The following LYL1 variants were observed in gnomAD, a reference collection of about 807,000 sequenced individuals.
LYL1 encodes the protein LYL1 basic helix-loop-helix family member.
Under a neutral mutation model 11.1 loss-of-function variants are expected in LYL1, and 4 were observed. That is an observed-to-expected ratio of 0.36 (90% CI 0.18 to 0.82). The LOEUF (loss-of-function observed/expected upper bound fraction) is 0.82, where lower values mean the gene tolerates loss of function less well. LYL1 is among the 40% of genes least tolerant of loss of function. LYL1 has a pLI of 0.49. For synonymous variants in LYL1, 179 were observed against 174.8 expected, an observed-to-expected ratio of 1.02 and a Z score of -0.19; for missense variants, 356 against 397.6, an observed-to-expected ratio of 0.90 and a Z score of 0.89.
rs552041622 is a variant in LYL1, at chr19:13,100,964, G to C, written c.208C>G (p.Pro70Ala). 2.3e-5 allele frequency: 35 copies of C among 1,502,410 alleles called. No homozygotes were observed. In the East Asian group the frequency reaches 7.3e-4, roughly 31 times the overall value. 93.1% of individuals were successfully genotyped at this position (1,502,410 alleles called of 1,614,324 possible). The change falls in exon 2 of 4, where the codon CCC (proline) becomes GCC (alanine). Residue 70 changes from proline (P) to alanine (A), a missense_variant. Pro to Ala is a conservative substitution (Grantham distance 27). Transcript: ENST00000264824. Reference protein sequence around the residue: ...VPVISLGHSRPPGVAMPTTEL... With the variant: ...VPVISLGHSRAPGVAMPTTEL... Reference sequence around the variant, plus strand: ...GTGGTGGGCATGGCTACCCCTGGGGGCCTGCTGTGGCCCAGGCTGATCACT... The same window carrying C: ...GTGGTGGGCATGGCTACCCCTGGGGCCCTGCTGTGGCCCAGGCTGATCACT...
At position 13,102,781 on chromosome 19, in the gene LYL1, G is replaced by GC. The variant is rs1481840268; in HGVS notation, c.-276dup. On this transcript the variant is annotated 5_prime_UTR_variant, in exon 1 of 4. Transcript: ENST00000264824. This position sits in a 1 kb window ranked among gnomAD's most constrained non-coding sequence, Gnocchi z 4.9. Reference sequence around the variant, plus strand: ...TCCCGGGCCGGCCCGCCTTCTCCCCGCCCCCGGCGGCCCGGTTTCCTCCCT... The same window carrying GC: ...TCCCGGGCCGGCCCGCCTTCTCCCCGCCCCCCGGCGGCCCGGTTTCCTCCCT... 1 of 152,642 alleles carries GC rather than the reference G, an allele frequency of 6.6e-6. No homozygotes were observed. Among genetic ancestry groups the GC allele is most frequent in the African/African-American group, 2.4e-5 (1 of 41,418 alleles). The allele number at this position is 152,642 out of a possible 1,614,324, so 9.5% of individuals were successfully genotyped here. A position where few individuals can be genotyped will look rare whatever the true frequency, so the allele number is the denominator to read the frequency against.
Position 13,101,061 on chromosome 19 carries a change from A to C in LYL1, c.111T>G (p.Pro37=). The change falls in exon 2 of 4, where the codon CCT becomes CCG. Residue 37 remains proline, a synonymous_variant. Coordinates refer to ENST00000264824, the MANE Select transcript of LYL1 (RefSeq NM_005583.5). This position sits in a 1 kb window ranked among gnomAD's most constrained non-coding sequence, Gnocchi z 5.1. ...CCACCTCCTCCACCTGCGGGGGCCCAGGCGAGGCAGGCTTAGGGGGTGGGG... is the reference window on the plus strand; with the variant it reads ...CCACCTCCTCCACCTGCGGGGGCCCCGGCGAGGCAGGCTTAGGGGGTGGGG... The part of the protein sequence containing the change: ...APAPPPKPAS[P]GPPQVEEVGH... The C allele has an allele frequency of 6.7e-7, 1 of 1,489,158 alleles. No homozygotes were observed. 92.2% of individuals were successfully genotyped at this position (1,489,158 alleles called of 1,614,324 possible).
intron 3 of LYL1, among the ~76,000 whole-genome samples, chr19:13,100,139 T>C (rs1196875987): frequency 6.6e-6 from 1 of 152,228 alleles, no homozygotes; most frequent in Non-Finnish European, 1.5e-5. Context: ...GTGTCTTGTA[T>C]GACTGTGTGA....
At position 13,099,110 on chromosome 19, in the gene LYL1, T is replaced by G; in HGVS notation, c.*209A>C. 9.8e-6 allele frequency: 4 copies of G among 409,210 alleles called. No homozygotes were observed. Among genetic ancestry groups the G allele is most frequent in the Non-Finnish European group, 1.2e-5 (3 of 241,462 alleles). 25.3% of individuals were successfully genotyped at this position (409,210 alleles called of 1,614,324 possible). A position where few individuals can be genotyped will look rare whatever the true frequency, so the allele number is the denominator to read the frequency against. On this transcript the variant is annotated 3_prime_UTR_variant, in exon 4 of 4. Transcript: ENST00000264824. This position sits in a 1 kb window ranked among gnomAD's most constrained non-coding sequence, Gnocchi z 5.3. The stretch of plus-strand genomic sequence containing the variant: ...ACCGGGCAAGGCCACTTCCAGAGGG[T>G]TGTGGGTGATTTTTTTAAGGGTCTG...
chr19:13,099,420 G>T lies in LYL1; in HGVS notation c.742C>A (p.Arg248Ser). The T allele has an allele frequency of 3.2e-6, 4 of 1,243,318 alleles. No homozygotes were observed. The highest frequency in any genetic ancestry group is 4.0e-6 in the Non-Finnish European group (4 of 989,294). The allele number at this position is 1,243,318 out of a possible 1,614,324, so 77.0% of individuals were successfully genotyped here. A position where few individuals can be genotyped will look rare whatever the true frequency, so the allele number is the denominator to read the frequency against. ...GSGRRAEAAA[R>S]SQPAPPADPD... ...TCGGCCGGGGGCGCGGGCTGCGAGC[G>T]CGCTGCCGCCTCGGCCCTGCGTCCG... is the stretch of plus-strand genomic sequence containing the variant. The change falls in exon 4 of 4, where the codon CGC (arginine) becomes AGC (serine). Residue 248 changes from arginine (R) to serine (S), a missense_variant. Transcript: ENST00000264824. The surrounding 1 kb of genome is among the most constrained non-coding windows in gnomAD (Gnocchi z 5.3).
chr19:13,101,323 T>A lies in LYL1; in HGVS notation c.-24-128A>T. The A allele has an allele frequency of 2.5e-6, 1 of 398,696 alleles. No homozygotes were observed. Among genetic ancestry groups the A allele is most frequent in the Non-Finnish European group, 4.4e-6 (1 of 227,872 alleles). The allele number at this position is 398,696 out of a possible 1,614,324, so 24.7% of individuals were successfully genotyped here. ...GAAAGGAGGAGGAGAGAAGTTTCAG[T>A]AGGCAAAGGCAGATGGCGGGGGCAG... is the stretch of plus-strand genomic sequence containing the variant. On this transcript the variant is annotated intron_variant, in intron 1 of 3. Transcript: ENST00000264824. The surrounding 1 kb of genome is among the most constrained non-coding windows in gnomAD (Gnocchi z 5.1).
Position 13,099,879 on chromosome 19 carries a change from C to A in LYL1, c.428-145G>T. 1 of 628,046 alleles carries A rather than the reference C, an allele frequency of 1.6e-6. No individual in the cohort carries two copies. Among genetic ancestry groups the A allele is most frequent in the Non-Finnish European group, 2.5e-6 (1 of 396,724 alleles). The allele number at this position is 628,046 out of a possible 1,614,324, so 38.9% of individuals were successfully genotyped here. A position where few individuals can be genotyped will look rare whatever the true frequency, so the allele number is the denominator to read the frequency against. On this transcript the variant is annotated intron_variant, in intron 3 of 3. Transcript: ENST00000264824. This position sits in a 1 kb window ranked among gnomAD's most constrained non-coding sequence, Gnocchi z 5.3. ...CCACCCAAGGGGTCCACGGGCAGCT[C>A]TCCCCACCCCTCCCAAGAGCCATCC...
In LYL1 at chr19:13,099,119, A is replaced by G; in HGVS notation, c.*200T>C. The G allele has an allele frequency of 2.3e-6, 1 of 442,230 alleles. No individual in the cohort carries two copies. The highest frequency in any genetic ancestry group is 3.7e-6 in the Non-Finnish European group (1 of 270,164). The allele number at this position is 442,230 out of a possible 1,614,324, so 27.4% of individuals were successfully genotyped here. ...GGCCACTTCCAGAGGGTTGTGGGTG[A>G]TTTTTTTAAGGGTCTGCGGGTCCCT... On this transcript the variant is annotated 3_prime_UTR_variant, in exon 4 of 4. Coordinates refer to ENST00000264824, the MANE Select transcript of LYL1 (RefSeq NM_005583.5). The surrounding 1 kb of genome is among the most constrained non-coding windows in gnomAD (Gnocchi z 5.3).
chr19:13,100,726 G>A lies in LYL1; in HGVS notation c.358C>T (p.Pro120Ser), dbSNP rs1462984804. 15 of 1,614,212 alleles carry A rather than the reference G, an allele frequency of 9.3e-6. No individual in the cohort carries two copies. In the South Asian group the frequency reaches 1.3e-4, roughly 14 times the overall value. Reference sequence around the variant, plus strand: ...CGGCTGCTAGGGAAGATGCTAAAAGGTCCTGCTGGCCCAATGTAGACACTG... The same window carrying A: ...CGGCTGCTAGGGAAGATGCTAAAAGATCCTGCTGGCCCAATGTAGACACTG... ...LNSVYIGPAG[P>S]FSIFPSSRLK... is the part of the protein sequence containing the mutation. The change falls in exon 3 of 4, where the codon CCT becomes TCT. Residue 120 changes from proline (P) to serine (S), a missense_variant. Transcript: ENST00000264824.
chr19:13,100,582 C>T (rs542777258), intron 3 of LYL1, 75 bp downstream of exon 3: 31 of 1,352,428 alleles, frequency 2.3e-5, no homozygotes, highest in African/African-American at 7.2e-5. Flanking sequence ...CACACAGAGA[C>T]GGCCAGGCCT....
chr19:13,100,598 G>T, intron 3 of LYL1, 59 bp downstream of exon 3: 1 of 1,495,556 alleles, frequency 6.7e-7, no homozygotes, highest in Non-Finnish European at 9.3e-7. Context: ...GGCCTTCTGT[G>T]CACCCACAAG....
At position 13,101,399 on chromosome 19, in the gene LYL1, G is replaced by T; in HGVS notation, c.-24-204C>A. On this transcript the variant is annotated intron_variant, in intron 1 of 3. Coordinates refer to ENST00000264824, the MANE Select transcript of LYL1 (RefSeq NM_005583.5). The surrounding 1 kb of genome is among the most constrained non-coding windows in gnomAD (Gnocchi z 5.1). The stretch of plus-strand genomic sequence containing the variant: ...GGGGGGTCCTACGTTAGAGTAGGAG[G>T]CGCCCCCCAGGTGCTAGGCAGCGCA... 1 of 426,732 alleles carries T rather than the reference G, an allele frequency of 2.3e-6. No homozygotes were observed. Among genetic ancestry groups the T allele is most frequent in the Non-Finnish European group, 4.1e-6 (1 of 243,032 alleles). 26.4% of individuals were successfully genotyped at this position (426,732 alleles called of 1,614,324 possible). A position where few individuals can be genotyped will look rare whatever the true frequency, so the allele number is the denominator to read the frequency against.
chr19:13,100,795 G>GC, intron 2 of LYL1, 42 bp downstream of exon 2: 2 of 1,611,994 alleles, frequency 1.2e-6, no homozygotes, highest in South Asian at 2.2e-5. Flanking sequence ...AAGGACCCTG[G>GC]CCCCCAATCC....
In LYL1 at chr19:13,101,175, C is replaced by T. The variant is rs777421599; in HGVS notation, c.-4G>A. ...CCTGTGCCTGAGGCGGGCACATGGA[C>T]CCCGACGTGGGGGTACTCACCTGTG... On this transcript the variant is annotated 5_prime_UTR_variant, in exon 2 of 4. Coordinates refer to ENST00000264824, the MANE Select transcript of LYL1 (RefSeq NM_005583.5). The surrounding 1 kb of genome is among the most constrained non-coding windows in gnomAD (Gnocchi z 5.1). 44 of 1,433,164 alleles carry T rather than the reference C, an allele frequency of 3.1e-5. No individual in the cohort carries two copies. In the African/African-American group the frequency reaches 5.7e-4, roughly 19 times the overall value. The allele number at this position is 1,433,164 out of a possible 1,614,324, so 88.8% of individuals were successfully genotyped here.
In LYL1 at chr19:13,101,220, G is replaced by C; in HGVS notation, c.-24-25C>G. Reference sequence around the variant, plus strand: ...CCTGTGGGAAAGAAGGCAGCCAGTGGGGAGGAGGACTAGGTGCCCCGCTCC... The same window carrying C: ...CCTGTGGGAAAGAAGGCAGCCAGTGCGGAGGAGGACTAGGTGCCCCGCTCC... On this transcript the variant is annotated intron_variant, in intron 1 of 3. Transcript: ENST00000264824. The surrounding 1 kb of genome is among the most constrained non-coding windows in gnomAD (Gnocchi z 5.1). 1 of 1,119,788 alleles carries C rather than the reference G, an allele frequency of 8.9e-7. No homozygotes were observed. The highest frequency in any genetic ancestry group is 1.2e-6 in the Non-Finnish European group (1 of 828,442). 69.4% of individuals were successfully genotyped at this position (1,119,788 alleles called of 1,614,324 possible). A position where few individuals can be genotyped will look rare whatever the true frequency, so the allele number is the denominator to read the frequency against.
At position 13,099,795 on chromosome 19, in the gene LYL1, C is replaced by T. The variant is rs1240281645; in HGVS notation, c.428-61G>A. 1 of 1,314,936 alleles carries T rather than the reference C, an allele frequency of 7.6e-7. No individual in the cohort carries two copies. The highest frequency in any genetic ancestry group is 1.6e-5 in the South Asian group (1 of 60,682). The allele number at this position is 1,314,936 out of a possible 1,614,324, so 81.5% of individuals were successfully genotyped here. On this transcript the variant is annotated intron_variant, in intron 3 of 3. Transcript: ENST00000264824. This position sits in a 1 kb window ranked among gnomAD's most constrained non-coding sequence, Gnocchi z 5.3. ...CAAAGGGCGGCCCCTCCTGCCCTCC[C>T]GCTAGACACGCAGCACCCTCGTGGG... is the stretch of plus-strand genomic sequence containing the variant.
Position 13,102,093 on chromosome 19 carries a change from T to C in LYL1, c.-25+438A>G, listed in dbSNP as rs1303411494. 9.4e-6 allele frequency: 2 copies of C among 213,682 alleles called. No individual in the cohort carries two copies. The highest frequency in any genetic ancestry group is 1.9e-5 in the Non-Finnish European group (2 of 105,734). 13.2% of individuals were successfully genotyped at this position (213,682 alleles called of 1,614,324 possible). A position where few individuals can be genotyped will look rare whatever the true frequency, so the allele number is the denominator to read the frequency against. On this transcript the variant is annotated intron_variant, in intron 1 of 3. Coordinates refer to ENST00000264824, the MANE Select transcript of LYL1 (RefSeq NM_005583.5). The surrounding 1 kb of genome is among the most constrained non-coding windows in gnomAD (Gnocchi z 4.9). ...CTCGAGCCATCCTCCTGTCTCAGCC[T>C]CCTGAGTAGCTGAGAGTACAGGCAT...
chr19:13,099,269 C>T lies in LYL1; in HGVS notation c.*50G>A. Reference sequence around the variant, plus strand: ...GTCCACTGCCCTTTCCTTGACGGCCCTGGGCCGAGTCCCTGGTGCCCTCCG... The same window carrying T: ...GTCCACTGCCCTTTCCTTGACGGCCTTGGGCCGAGTCCCTGGTGCCCTCCG... On this transcript the variant is annotated 3_prime_UTR_variant, in exon 4 of 4. Coordinates refer to ENST00000264824, the MANE Select transcript of LYL1 (RefSeq NM_005583.5). This position sits in a 1 kb window ranked among gnomAD's most constrained non-coding sequence, Gnocchi z 5.3. The T allele has an allele frequency of 8.1e-7, 1 of 1,236,900 alleles. No homozygotes were observed. Among genetic ancestry groups the T allele is most frequent in the South Asian group, 4.0e-5 (1 of 24,758 alleles). The allele number at this position is 1,236,900 out of a possible 1,614,324, so 76.6% of individuals were successfully genotyped here. A position where few individuals can be genotyped will look rare whatever the true frequency, so the allele number is the denominator to read the frequency against.
At position 13,099,870 on chromosome 19, in the gene LYL1, C is replaced by G. The variant is rs2018652958; in HGVS notation, c.428-136G>C. ...GGGCTTTCTCCACCCAAGGGGTCCACGGGCAGCTCTCCCCACCCCTCCCAA... is the reference window on the plus strand; with the variant it reads ...GGGCTTTCTCCACCCAAGGGGTCCAGGGGCAGCTCTCCCCACCCCTCCCAA... On this transcript the variant is annotated intron_variant, in intron 3 of 3. Transcript: ENST00000264824. This position sits in a 1 kb window ranked among gnomAD's most constrained non-coding sequence, Gnocchi z 5.3. 3 of 729,654 alleles carry G rather than the reference C, an allele frequency of 4.1e-6. No individual in the cohort carries two copies. The highest frequency in any genetic ancestry group is 7.7e-5 in the Admixed American group (2 of 25,856). The allele number at this position is 729,654 out of a possible 1,614,324, so 45.2% of individuals were successfully genotyped here.
Sources: gnomAD v4.1 joint callset for allele counts (sites outside exome capture counted in the v4.1 genomes callset) on GRCh38, gnomAD v4.1.1 for gene constraint, Gnocchi (gnomAD v3.1) non-coding constraint, MANE v1.5 for transcripts, NCBI Gene and HGNC (gene_info 2026-07-23, HGNC 2026-07-21) for gene names.